CCDC40: variants seen among roughly 807,000 people sequenced by gnomAD.
The protein encoded by CCDC40 is coiled-coil domain-containing protein 40.
In CCDC40, 104 loss-of-function variants were observed where a neutral mutation model predicts 124.5. The observed-to-expected ratio is 0.84, with a 90% CI of 0.71 to 0.98. The LOEUF is 0.98. Among genes scored for constraint, CCDC40 ranks in the 50% least tolerant of loss-of-function variants. CCDC40 has a pLI of 0.00. For missense variants in CCDC40, 1,463 were observed against 1,503.9 expected (o/e 0.97, Z 0.45); for synonymous variants, 580 against 602.9 (o/e 0.96, Z 0.56).
At chr17:80,068,055 A>G (rs1478682015) in intron 10 of CCDC40, 1 of 907,776 alleles carries the variant, frequency 1.1e-6, no homozygotes, top group Non-Finnish European at 1.3e-6. Flanking sequence ...GGTTCTTGCA[A>G]TGGAGTCTCG....
intron 10 of CCDC40, among the ~76,000 whole-genome samples, chr17:80,069,096 C>T (rs1438768076): frequency 1.3e-5 from 2 of 152,174 alleles, no homozygotes; most frequent in African/African-American, 4.8e-5. Flanking sequence ...ACACCCATGG[C>T]ATTTTTTCAG....
At position 80,065,531 on chromosome 17, in the gene CCDC40, T is replaced by G. The variant is rs1167989254; in HGVS notation, c.1487T>G (p.Met496Arg). The G allele has an allele frequency of 6.2e-7, 1 of 1,612,826 alleles. No homozygotes were observed. The highest frequency in any genetic ancestry group is 8.5e-7 in the Non-Finnish European group (1 of 1,179,898). Reference sequence around the variant, plus strand: ...ATCAGCGTGGAGAAGAGGCGCATCATGCAGCAATGGGCCAGCAGCCTGGTG... The same window carrying G: ...ATCAGCGTGGAGAAGAGGCGCATCAGGCAGCAATGGGCCAGCAGCCTGGTG... ...DAISVEKRRI[M>R]QQWASSLVGM... The change falls in exon 10 of 20, where the codon ATG (methionine) becomes AGG (arginine). Residue 496 changes from methionine to arginine, a missense_variant. Physicochemically the swap from Met to Arg is moderately conservative, Grantham distance 91 (BLOSUM62 -1). Transcript: ENST00000397545.
chr17:80,040,549 C>CA, intron 3 of CCDC40: 1 of 440,242 alleles, frequency 2.3e-6, no homozygotes, highest in Non-Finnish European at 4.2e-6. Flanking sequence ...CGTGGTGGCG[C>CA]ACGCCTGTAA....
chr17:80,083,484 C>T (rs1469531252), intron 12 of CCDC40, among the ~76,000 whole-genome samples: 3 of 152,148 alleles, frequency 2.0e-5, no homozygotes, highest in Non-Finnish European at 2.9e-5. Flanking sequence ...GAGCCACAGT[C>T]GTGAGAGAGC....
chr17:80,099,118 TAAA>T (rs374247833), intron 19 of CCDC40, among the ~76,000 whole-genome samples: 2 of 140,976 alleles, frequency 1.4e-5, no homozygotes, highest in Non-Finnish European at 1.6e-5. Context: ...CTGTCTCTAC[TAAA>T]AAAAAAAAAA....
At position 80,097,364 on chromosome 17, in the gene CCDC40, C is replaced by T. The variant is rs373643308; in HGVS notation, c.3141C>T (p.Leu1047=). Residue 1047 remains leucine, a synonymous_variant, in exon 19 of 20, where the codon CTC becomes CTT. Transcript: ENST00000397545. Reference sequence around the variant, plus strand: ...TGATTCAGGCAGACTTCGACACACTCGAGGCCGACCTCACCCGGCTTGGGG... The same window carrying T: ...TGATTCAGGCAGACTTCGACACACTTGAGGCCGACCTCACCCGGCTTGGGG... ...LSVIQADFDT[L]EADLTRLGAL... 14 of 1,613,866 alleles carry T rather than the reference C, an allele frequency of 8.7e-6. No homozygotes were observed. The highest frequency in any genetic ancestry group is 3.3e-5 in the South Asian group (3 of 91,088).
Position 80,076,659 on chromosome 17 carries a change from A to C in CCDC40, c.1563-4887A>C, listed in dbSNP as rs375156061. 4.5e-4 allele frequency among the ~76,000 whole-genome samples: 68 copies of C among 151,832 alleles called. 1 individual carries two copies. The South Asian group carries it at 0.014, about 30-fold the overall frequency. On this transcript the variant is annotated intron_variant, in intron 10 of 19. Coordinates refer to ENST00000397545, the MANE Select transcript of CCDC40 (RefSeq NM_017950.4). ...TCATCAGTCAGCAGCCAGCAACATC[A>C]ATGCAAGACCCTCTACCAGCATACT...
rs768751527 is a variant in CCDC40, at chr17:80,036,659, G to A, written c.-4G>A. 1 of 1,462,650 alleles carries A rather than the reference G, an allele frequency of 6.8e-7. No individual in the cohort carries two copies. Among genetic ancestry groups the A allele is most frequent in the Non-Finnish European group, 9.0e-7 (1 of 1,110,398 alleles). 90.6% of individuals were successfully genotyped at this position (1,462,650 alleles called of 1,614,324 possible). On this transcript the variant is annotated 5_prime_UTR_variant, in exon 1 of 20. Transcript: ENST00000397545. ...ATGTTGACAGCGTCGCCTAGCAACG[G>A]GAAATGGCGGAACCGGGCGGCGCGG...
chr17:80,082,417 T>TG, intron 12 of CCDC40, among the ~76,000 whole-genome samples: 1 of 150,990 alleles, frequency 6.6e-6, no homozygotes, highest in East Asian at 2.0e-4. Flanking sequence ...GGAGGGGACT[T>TG]GTGTCCTTAG....
intron 7 of CCDC40, among the ~76,000 whole-genome samples, chr17:80,052,374 C>G (rs1568680038): frequency 6.6e-6 from 1 of 152,144 alleles, no homozygotes; most frequent in Non-Finnish European, 1.5e-5. Context: ...ACACCAGTCT[C>G]TCTTTTCACA....
chr17:80,040,763 T>C (rs1378669561), intron 3 of CCDC40, among the ~76,000 whole-genome samples: 3 of 151,916 alleles, frequency 2.0e-5, no homozygotes, highest in Non-Finnish European at 4.4e-5. Flanking sequence ...TCCTGGACTC[T>C]GCTTCAGTCT....
At position 80,066,756 on chromosome 17, in the gene CCDC40, TAAA is replaced by T. The variant is rs2038058248; in HGVS notation, c.1562+1153_1562+1155del. The T allele has an allele frequency of 6.6e-6, 1 of 152,280 alleles. No individual in the cohort carries two copies. The highest frequency in any genetic ancestry group is 2.4e-5 in the African/African-American group (1 of 41,356). The allele number at this position is 152,280 out of a possible 1,614,324, so 9.4% of individuals were successfully genotyped here. A position where few individuals can be genotyped will look rare whatever the true frequency, so the allele number is the denominator to read the frequency against. ...GAGCAAGACTCTGTCTCAAAAAAAA[TAAA>T]AATAATAATAATACTCATTTCCTTC... is the stretch of plus-strand genomic sequence containing the variant. On this transcript the variant is annotated intron_variant, in intron 10 of 19. Transcript: ENST00000397545. This position sits in a 1 kb window ranked among gnomAD's most constrained non-coding sequence, Gnocchi z 4.4.
chr17:80,047,766 C>T (rs1349258668), intron 4 of CCDC40, among the ~76,000 whole-genome samples: 2 of 152,136 alleles, frequency 1.3e-5, no homozygotes, highest in Non-Finnish European at 2.9e-5. Flanking sequence ...CAGAGCGAGA[C>T]GTGCCGTGAC....
chr17:80,076,143 C>T (rs542946987), intron 10 of CCDC40, among the ~76,000 whole-genome samples: 4 of 152,312 alleles, frequency 2.6e-5, no homozygotes, highest in South Asian at 4.1e-4. Flanking sequence ...AGAGGACTGA[C>T]TCCAATTTTG....
intron 9 of CCDC40, among the ~76,000 whole-genome samples, chr17:80,064,107 C>G (rs1356784296): frequency 6.6e-6 from 1 of 152,172 alleles, no homozygotes; most frequent in African/African-American, 2.4e-5. Flanking sequence ...AAAAAGTCCC[C>G]CTCATCGTGG....
intron 3 of CCDC40, among the ~76,000 whole-genome samples, chr17:80,041,442 G>A (rs923040646): frequency 2.0e-5 from 3 of 152,122 alleles, no homozygotes; most frequent in African/African-American, 4.8e-5. Flanking sequence ...GGAGAGGCAG[G>A]GGTTGCCGTC....
At chr17:80,085,073 A>G in intron 13 of CCDC40, 85 bp downstream of exon 13, 1 of 1,530,982 alleles carries the variant, frequency 6.5e-7, no homozygotes, top group South Asian at 1.2e-5. Flanking sequence ...CCACGGTCAG[A>G]CATGAACTCC....
intron 10 of CCDC40, among the ~76,000 whole-genome samples, chr17:80,075,993 G>A (rs1450902636): frequency 6.6e-6 from 1 of 152,184 alleles, no homozygotes. Flanking sequence ...AAACTTTAAT[G>A]GATGAGGAGT....
At chr17:80,048,489 G>A in intron 4 of CCDC40, 94 bp from the exon 5 acceptor site, 1 of 985,920 alleles carries the variant, frequency 1.0e-6, no homozygotes, top group Non-Finnish European at 1.6e-6. Flanking sequence ...GCTGCATGAG[G>A]CATGACAGCA....
Sources: allele counts gnomAD v4.1 joint callset (sites outside exome capture counted in the v4.1 genomes callset), GRCh38; gene constraint gnomAD v4.1.1; non-coding constraint Gnocchi (gnomAD v3.1); transcripts MANE v1.5; gene names NCBI Gene and HGNC (gene_info 2026-07-23, HGNC 2026-07-21).